Variants in ZBTB20 observed in about 807,000 individuals in gnomAD.
ZBTB20 encodes the protein zinc finger and BTB domain-containing protein 20.
In ZBTB20, 9 loss-of-function variants were observed where a neutral mutation model predicts 56.9. The ratio of observed to expected loss-of-function variants is 0.16; its 90% confidence interval spans 0.10 to 0.28. The LOEUF is 0.28. Among genes scored for constraint, ZBTB20 ranks in the 10% least tolerant of loss-of-function variants. The pLI is 1.00. For missense variants in ZBTB20, 655 were observed against 1,003.0 expected, an observed-to-expected ratio of 0.65 and a Z score of 4.69; for synonymous variants, 417 against 420.7, an observed-to-expected ratio of 0.99 and a Z score of 0.11.
chr3:114,339,961 T>C lies in ZBTB20; in HGVS notation c.1805-535A>G, dbSNP rs1247955450. On this transcript the variant is annotated intron_variant, in intron 11 of 11. Transcript: ENST00000675478. This position sits in a 1 kb window ranked among gnomAD's most constrained non-coding sequence, Gnocchi z 4.2. Reference sequence around the variant, plus strand: ...TCTAAGAAATACACCTATGTGTTGATTGTGAGTTTGGAAAATATTTGCCAA... The same window carrying C: ...TCTAAGAAATACACCTATGTGTTGACTGTGAGTTTGGAAAATATTTGCCAA... Among the ~76,000 whole-genome samples the C allele has an allele frequency of 7.9e-5, 12 of 152,212 alleles. No individual in the cohort carries two copies. Among genetic ancestry groups the C allele is most frequent in the Admixed American group, 7.2e-4 (11 of 15,292 alleles).
chr3:114,670,619 G>T (rs1008978100), intron 6 of ZBTB20, among the ~76,000 whole-genome samples: 1 of 152,008 alleles, frequency 6.6e-6, no homozygotes, highest in Admixed American at 6.6e-5. Context: ...ACAAGGTGCA[G>T]AAAAATAAAA....
chr3:114,561,319 C>A (rs965751640), intron 6 of ZBTB20, among the ~76,000 whole-genome samples: 2 of 152,148 alleles, frequency 1.3e-5, no homozygotes, highest in African/African-American at 4.8e-5. Context: ...TTTATGACAT[C>A]GAGAATGGTG....
intron 7 of ZBTB20, among the ~76,000 whole-genome samples, chr3:114,406,163 C>T (rs542698863): frequency 2.6e-5 from 4 of 152,258 alleles, no homozygotes; most frequent in African/African-American, 9.6e-5. Flanking sequence ...TGACCAAATA[C>T]GTCCAAAAGC....
chr3:114,904,968 T>A (rs1298035037), intron 3 of ZBTB20, among the ~76,000 whole-genome samples: 1 of 151,952 alleles, frequency 6.6e-6, no homozygotes. Context: ...TTACAAAAAC[T>A]GCAAAATTTG....
At chr3:114,636,668 G>A (rs2059290682) in intron 6 of ZBTB20, among the ~76,000 whole-genome samples, 1 of 151,696 alleles carries the variant, frequency 6.6e-6, no homozygotes, top group Non-Finnish European at 1.5e-5. Flanking sequence ...ACCTGTAGTA[G>A]ATATATAAAA....
intron 6 of ZBTB20, among the ~76,000 whole-genome samples, chr3:114,680,796 G>T (rs893350266): frequency 5.3e-5 from 8 of 152,164 alleles, no homozygotes; most frequent in Non-Finnish European, 1.0e-4. Context: ...TACAGATCAT[G>T]CTAGAGTCAG....
At chr3:114,686,462 G>T (rs1006351534) in intron 6 of ZBTB20, among the ~76,000 whole-genome samples, 1 of 152,126 alleles carries the variant, frequency 6.6e-6, no homozygotes, top group Non-Finnish European at 1.5e-5. Flanking sequence ...ATGCTTTTGT[G>T]AAGTATTAAG....
chr3:114,339,114 A>G lies in ZBTB20; in HGVS notation c.2117T>C (p.Val706Ala). ...AGTGGTCCCCTCCGTGCAGGCCACC[A>G]CGCCTGGGGGGCCAGCGCGGGCACC... ...PPGARAGPPG[V>A]VACTEGTTYV... The change falls in exon 12 of 12, where the codon GTG becomes GCG. Residue 706 changes from valine (V) to alanine (A), a missense_variant. Val to Ala is a moderately conservative substitution (Grantham distance 64). Transcript: ENST00000675478. This position sits in a 1 kb window ranked among gnomAD's most constrained non-coding sequence, Gnocchi z 4.2. 1 of 1,608,816 alleles carries G rather than the reference A, an allele frequency of 6.2e-7. No individual in the cohort carries two copies. Among genetic ancestry groups the G allele is most frequent in the Middle Eastern group, 1.7e-4 (1 of 6,046 alleles).
rs527485321 is a variant in ZBTB20 at position 114,858,351 on chromosome 3, C to T, written c.-417+41953G>A. ...AAATGGTAATCATATTCATCAACTA[C>T]ACAAAGAAGTAAAAACAAGAAGCTC... On this transcript the variant is annotated intron_variant, in intron 4 of 11. Coordinates refer to ENST00000675478, the MANE Select transcript of ZBTB20 (RefSeq NM_001348800.3). 9.9e-5 allele frequency among the ~76,000 whole-genome samples: 15 copies of T among 152,216 alleles called. No individual in the cohort carries two copies. The South Asian group carries it at 3.1e-3, about 32-fold the overall frequency.
chr3:114,682,834 AGTATGT>A, intron 6 of ZBTB20, among the ~76,000 whole-genome samples: 1 of 152,196 alleles, frequency 6.6e-6, no homozygotes, highest in Non-Finnish European at 1.5e-5. Context: ...CTCTCAGTAG[AGTATGT>A]GTTAATGTGG....
chr3:114,898,453 CAG>C (rs1183527235), intron 4 of ZBTB20, among the ~76,000 whole-genome samples: 1 of 152,006 alleles, frequency 6.6e-6, no homozygotes, highest in Non-Finnish European at 1.5e-5. Context: ...ATTTTAAGGA[CAG>C]AATTTATCAG....
intron 6 of ZBTB20, among the ~76,000 whole-genome samples, chr3:114,629,058 C>G (rs527707776): frequency 6.6e-6 from 1 of 152,246 alleles, no homozygotes; most frequent in South Asian, 2.1e-4. Context: ...TTTGTTTTCA[C>G]AAATGACTTG....
intron 7 of ZBTB20, among the ~76,000 whole-genome samples, chr3:114,496,974 G>A (rs1221686255): frequency 6.6e-6 from 1 of 152,210 alleles, no homozygotes; most frequent in Non-Finnish European, 1.5e-5. Flanking sequence ...GGGGGCAGTA[G>A]CTCAAAGTGA....
At chr3:114,846,060 TTAGA>T (rs2074686609) in intron 4 of ZBTB20, among the ~76,000 whole-genome samples, 1 of 152,120 alleles carries the variant, frequency 6.6e-6, no homozygotes, top group Non-Finnish European at 1.5e-5. Flanking sequence ...AGATAGGTGG[TTAGA>T]TAAACACACA....
intron 10 of ZBTB20, among the ~76,000 whole-genome samples, chr3:114,375,335 G>A (rs2083485603): frequency 6.6e-6 from 1 of 152,018 alleles, no homozygotes; most frequent in Non-Finnish European, 1.5e-5. Context: ...CAGTTATTTT[G>A]AAACACTGCC....
At chr3:114,465,240 A>G (rs2092494408) in intron 7 of ZBTB20, among the ~76,000 whole-genome samples, 1 of 152,142 alleles carries the variant, frequency 6.6e-6, no homozygotes. Flanking sequence ...CTTGGTGCAT[A>G]TTAATTCGTA....
At chr3:114,824,074 A>G (rs1367675065) in intron 4 of ZBTB20, among the ~76,000 whole-genome samples, 1 of 151,976 alleles carries the variant, frequency 6.6e-6, no homozygotes, top group African/African-American at 2.4e-5. Flanking sequence ...TAGGGTAGCT[A>G]GGAAACGCTC....
In ZBTB20 at chr3:114,403,744, A is replaced by G. The variant is rs149506946; in HGVS notation, c.-254-14639T>C. 9.6e-3 allele frequency among the ~76,000 whole-genome samples: 1,468 copies of G among 152,208 alleles called. 33 individuals carry two copies. The highest frequency in any genetic ancestry group is 0.033 in the African/African-American group (1,370 of 41,534). ...AAAAAATTAACTGAGAAGCCAGATG[A>G]TAATCCAGATATACAAAACAACATT... On this transcript the variant is annotated intron_variant, in intron 7 of 11. Transcript: ENST00000675478.
At chr3:114,779,738 C>A (rs1189289513) in intron 5 of ZBTB20, among the ~76,000 whole-genome samples, 2 of 152,062 alleles carry the variant, frequency 1.3e-5, no homozygotes, top group Non-Finnish European at 2.9e-5. Flanking sequence ...ACTTTAAAAT[C>A]AAGAGTCAAG....
Sources: gnomAD v4.1 joint callset for allele counts (sites outside exome capture counted in the v4.1 genomes callset) on GRCh38, gnomAD v4.1.1 for gene constraint, Gnocchi (gnomAD v3.1) non-coding constraint, MANE v1.5 for transcripts, NCBI Gene and HGNC (gene_info 2026-07-23, HGNC 2026-07-21) for gene names.